Variants in TASP1 observed in about 807,000 individuals in gnomAD.
The protein encoded by TASP1 is taspase 1.
A neutral mutation model predicts 56.6 loss-of-function variants in TASP1; 16 were observed. The ratio of observed to expected loss-of-function variants is 0.28; its 90% CI spans 0.19 to 0.43. The LOEUF (loss-of-function observed/expected upper bound fraction) is 0.43, where lower values mean the gene tolerates loss of function less well. Among genes scored for constraint, TASP1 ranks in the 20% least tolerant of loss-of-function variants. The pLI is 1.00. For missense variants in TASP1, 393 were observed against 511.6 expected (o/e 0.77, Z 2.24); for synonymous variants, 179 against 184.2 (o/e 0.97, Z 0.23).
chr20:13,344,277 G>A, the TASP1 span, among the ~76,000 whole-genome samples: 5 of 151,762 alleles, frequency 3.3e-5, no homozygotes, highest in South Asian at 4.2e-4. Context: ...CTATATTTGC[G>A]CACACACACA....
At chr20:13,177,330 A>G in the TASP1 span, among the ~76,000 whole-genome samples, 1 of 152,178 alleles carries the variant, frequency 6.6e-6, no homozygotes, top group Admixed American at 6.6e-5. Flanking sequence ...GTTAAAATGA[A>G]CATACTACTC....
chr20:13,550,973 AT>A (rs1443549953), intron 8 of TASP1, among the ~76,000 whole-genome samples: 1 of 152,164 alleles, frequency 6.6e-6, no homozygotes, highest in Non-Finnish European at 1.5e-5. Context: ...CATTTACATA[AT>A]AATTTCAAGA....
intron 4 of TASP1, among the ~76,000 whole-genome samples, chr20:13,605,616 C>CTGCA (rs1601416619): frequency 6.6e-6 from 1 of 151,936 alleles, no homozygotes; most frequent in East Asian, 1.9e-4. Flanking sequence ...GAGCTCTAAG[C>CTGCA]TGCAGTAAGC....
At chr20:13,389,069 T>A (rs959209776), downstream of TASP1, among the ~76,000 whole-genome samples, 5 of 152,252 alleles carry the variant, frequency 3.3e-5, no homozygotes, top group Non-Finnish European at 7.3e-5. Flanking sequence ...ATCTTGGTTT[T>A]CTTATGTGGC....
At chr20:13,150,646 C>T in the TASP1 span, among the ~76,000 whole-genome samples, 1 of 152,178 alleles carries the variant, frequency 6.6e-6, no homozygotes, top group Admixed American at 6.5e-5. Flanking sequence ...TCATCCTACT[C>T]CTACTCCTTC....
At chr20:13,374,521 T>C in the TASP1 span, among the ~76,000 whole-genome samples, 2 of 152,104 alleles carry the variant, frequency 1.3e-5, no homozygotes, top group Non-Finnish European at 2.9e-5. Context: ...GCTAATTTTT[T>C]GTATTTTTAG....
chr20:13,432,393 G>C (rs1278374782), intron 12 of TASP1, among the ~76,000 whole-genome samples: 1 of 152,170 alleles, frequency 6.6e-6, no homozygotes, highest in Non-Finnish European at 1.5e-5. Context: ...GGTGGCTCTG[G>C]AAATGGAGTG....
chr20:13,347,297 C>T, the TASP1 span, among the ~76,000 whole-genome samples: 1 of 152,182 alleles, frequency 6.6e-6, no homozygotes, highest in African/African-American at 2.4e-5. Context: ...GGGGAGCAGA[C>T]CCTCCACTTT....
At chr20:13,222,560 T>C in the TASP1 span, among the ~76,000 whole-genome samples, 1 of 152,046 alleles carries the variant, frequency 6.6e-6, no homozygotes, top group South Asian at 2.1e-4. Flanking sequence ...CGGTAGTGAT[T>C]TGGGCCAGGG....
intron 6 of TASP1, among the ~76,000 whole-genome samples, chr20:13,575,732 G>A (rs1238309747): frequency 6.6e-6 from 1 of 152,132 alleles, no homozygotes; most frequent in African/African-American, 2.4e-5. Context: ...ACTTAATGGT[G>A]AAAGACCAAA....
At chr20:13,280,886 T>C in the TASP1 span, among the ~76,000 whole-genome samples, 2 of 152,222 alleles carry the variant, frequency 1.3e-5, no homozygotes, top group African/African-American at 4.8e-5. Context: ...GGATATTTAA[T>C]GTCTTACAAA....
At chr20:13,621,106 T>C (rs1309971851) in intron 4 of TASP1, among the ~76,000 whole-genome samples, 1 of 152,202 alleles carries the variant, frequency 6.6e-6, no homozygotes, top group Non-Finnish European at 1.5e-5. Context: ...GATAATTAAT[T>C]GAAATTCTTC....
intron 7 of TASP1, among the ~76,000 whole-genome samples, chr20:13,568,578 T>C (rs1180505675): frequency 6.6e-6 from 1 of 152,212 alleles, no homozygotes; most frequent in Non-Finnish European, 1.5e-5. Flanking sequence ...TAACAATTTC[T>C]AGTTACTTCA....
At chr20:13,193,742 T>C in the TASP1 span, among the ~76,000 whole-genome samples, 1 of 152,214 alleles carries the variant, frequency 6.6e-6, no homozygotes, top group African/African-American at 2.4e-5. Flanking sequence ...TCCTTTGGCA[T>C]TTGTCCTTAT....
At chr20:13,292,212 G>A in the TASP1 span, among the ~76,000 whole-genome samples, 2 of 152,122 alleles carry the variant, frequency 1.3e-5, no homozygotes, top group Non-Finnish European at 1.5e-5. Flanking sequence ...TCTGCACTAC[G>A]ACCTGCTTTT....
At chr20:13,224,878 C>A in the TASP1 span, among the ~76,000 whole-genome samples, 1 of 131,082 alleles carries the variant, frequency 7.6e-6, no homozygotes, top group Admixed American at 8.4e-5. Flanking sequence ...CGCAGTCTTG[C>A]TCTGTCGCCC....
At chr20:13,601,449 A>G (rs1035875631) in intron 4 of TASP1, among the ~76,000 whole-genome samples, 2 of 152,236 alleles carry the variant, frequency 1.3e-5, no homozygotes, top group Non-Finnish European at 2.9e-5. Context: ...AAAATAAATA[A>G]AGCAGTATTA....
intron 10 of TASP1, among the ~76,000 whole-genome samples, chr20:13,491,719 A>G (rs1410794292): frequency 6.6e-6 from 1 of 152,214 alleles, no homozygotes; most frequent in African/African-American, 2.4e-5. Flanking sequence ...ATCAAAATTT[A>G]CCAATTCTTG....
At chr20:13,117,981 C>G in the TASP1 span, among the ~76,000 whole-genome samples, 2 of 150,978 alleles carry the variant, frequency 1.3e-5, no homozygotes, top group African/African-American at 4.8e-5. Context: ...ACATAAGATG[C>G]AAAGTACCAG....
Sources: allele counts gnomAD v4.1 joint callset (sites outside exome capture counted in the v4.1 genomes callset), GRCh38; gene constraint gnomAD v4.1.1; transcripts MANE v1.5; gene names NCBI Gene and HGNC (gene_info 2026-07-23, HGNC 2026-07-21).